GRAMD4: variants seen among roughly 807,000 people sequenced by gnomAD.
GRAMD4 encodes the protein GRAM domain-containing protein 4.
Under a neutral mutation model 83.9 loss-of-function variants are expected in GRAMD4, and 25 were observed. That is an observed-to-expected ratio of 0.30 (90% CI 0.22 to 0.42). The LOEUF (loss-of-function observed/expected upper bound fraction) is 0.42. GRAMD4 is among the 10% of genes least tolerant of loss of function. The pLI, the probability that GRAMD4 is intolerant of heterozygous loss-of-function variation, is 1.00. For missense variants in GRAMD4, 593 were observed against 788.7 expected, an observed-to-expected ratio of 0.75 and a Z score of 2.97; for synonymous variants, 336 against 320.9, an observed-to-expected ratio of 1.05 and a Z score of -0.50.
intron 1 of GRAMD4, among the ~76,000 whole-genome samples, chr22:46,597,528 C>A (rs919706410): frequency 6.6e-6 from 1 of 152,148 alleles, no homozygotes; most frequent in Non-Finnish European, 1.5e-5. Context: ...CTCGCTCTGT[C>A]GCCCAGGCTG....
At position 46,645,944 on chromosome 22, in the gene GRAMD4, C is replaced by T. The variant is rs975295086; in HGVS notation, c.283+7984C>T. 2.0e-5 allele frequency among the ~76,000 whole-genome samples: 3 copies of T among 152,200 alleles called. No homozygotes were observed. In the South Asian group the frequency reaches 6.2e-4, roughly 32 times the overall value. On this transcript the variant is annotated intron_variant, in intron 3 of 18. Coordinates refer to ENST00000406902, the MANE Select transcript of GRAMD4 (RefSeq NM_015124.5). ...TGAGATTCCCCAGGGTTGTAAGGTG[C>T]ACACACAGCCTCTACCCAAGAGCAC... is the stretch of plus-strand genomic sequence containing the variant.
At position 46,678,747 on chromosome 22, in the gene GRAMD4, T is replaced by G; in HGVS notation, c.*1496T>G. ...CTTTGCTCCGATCCTCATTTGCTGG[T>G]GTGGGTGAGGGATCCGGCGGCATGG... On this transcript the variant is annotated 3_prime_UTR_variant, in exon 19 of 19. Transcript: ENST00000406902. 6.1e-6 allele frequency: 6 copies of G among 985,832 alleles called. No homozygotes were observed. The highest frequency in any genetic ancestry group is 7.2e-6 in the Non-Finnish European group (6 of 829,894). 61.1% of individuals were successfully genotyped at this position (985,832 alleles called of 1,614,324 possible).
downstream of GRAMD4, among the ~76,000 whole-genome samples, chr22:46,681,785 C>T (rs928883605): frequency 1.3e-5 from 2 of 152,178 alleles, no homozygotes; most frequent in Non-Finnish European, 2.9e-5. Context: ...ATGAATGTAA[C>T]GGATGAATGA....
chr22:46,664,232 G>C, intron 8 of GRAMD4, 115 bp downstream of exon 8: 2 of 757,502 alleles, frequency 2.6e-6, no homozygotes, highest in South Asian at 2.9e-5. Context: ...CACTTCCTCA[G>C]GCCCCAGGGA....
chr22:46,632,505 T>C (rs761289937), intron 2 of GRAMD4, among the ~76,000 whole-genome samples: 6 of 152,230 alleles, frequency 3.9e-5, no homozygotes, highest in Non-Finnish European at 8.8e-5. Flanking sequence ...CTTGGTGTCC[T>C]GCACCCTTGG....
chr22:46,676,771 T>C lies in GRAMD4; in HGVS notation c.1632+103T>C, dbSNP rs529265213. The C allele has an allele frequency of 5.0e-3, 5,480 of 1,099,978 alleles. 32 individuals are homozygous for C. Among genetic ancestry groups the C allele is most frequent in the Non-Finnish European group, 6.4e-3 (4,820 of 751,158 alleles). The allele number at this position is 1,099,978 out of a possible 1,614,324, so 68.1% of individuals were successfully genotyped here. A position where few individuals can be genotyped will look rare whatever the true frequency, so the allele number is the denominator to read the frequency against. On this transcript the variant is annotated intron_variant, in intron 18 of 18. Transcript: ENST00000406902. ...TGGGGCAGACAGCCAGAGTTTTAGT[T>C]TGGGCAGCAGGGTCACAAAGCCGCC...
intron 1 of GRAMD4, among the ~76,000 whole-genome samples, chr22:46,581,222 G>A (rs920933353): frequency 1.3e-5 from 2 of 152,224 alleles, no homozygotes; most frequent in Non-Finnish European, 2.9e-5. Context: ...ACACAGGAAA[G>A]GCAGGAAGTA....
chr22:46,629,852 C>G (rs2081739280), intron 2 of GRAMD4, among the ~76,000 whole-genome samples: 1 of 152,200 alleles, frequency 6.6e-6, no homozygotes, highest in African/African-American at 2.4e-5. Context: ...AGCCTGCTTT[C>G]TGTCGATGGA....
At chr22:46,578,306 G>A (rs9616058) in intron 1 of GRAMD4, among the ~76,000 whole-genome samples, 32,900 of 152,074 alleles carry the variant, frequency 0.22, 3,757 homozygotes, top group Middle Eastern at 0.33. Context: ...CTGGGAGGGA[G>A]GTCAGGGTCA....
In GRAMD4 at chr22:46,664,189, A is replaced by G. The variant is rs552090344; in HGVS notation, c.717+72A>G. 2.7e-6 allele frequency: 3 copies of G among 1,100,014 alleles called. No homozygotes were observed. In the African/African-American group the frequency reaches 4.6e-5, roughly 17 times the overall value. 68.1% of individuals were successfully genotyped at this position (1,100,014 alleles called of 1,614,324 possible). ...GCCAGCATTCACCACATGATCAGGC[A>G]CCTTCCCAGGGTGGGAGGTGGCCCC... On this transcript the variant is annotated intron_variant, in intron 8 of 18. Transcript: ENST00000406902.
At chr22:46,637,402 G>A (rs187512116) in intron 2 of GRAMD4, among the ~76,000 whole-genome samples, 7 of 152,178 alleles carry the variant, frequency 4.6e-5, no homozygotes, top group Non-Finnish European at 1.0e-4. Context: ...ACAGGTGCCC[G>A]CCACTGCGCC....
At chr22:46,650,609 C>A (rs374467731) in intron 3 of GRAMD4, among the ~76,000 whole-genome samples, 6 of 152,232 alleles carry the variant, frequency 3.9e-5, no homozygotes, top group Admixed American at 3.9e-4. Flanking sequence ...CCCTTCTCCT[C>A]GCAGATGCTG....
intron 3 of GRAMD4, among the ~76,000 whole-genome samples, chr22:46,651,070 C>T (rs188703003): frequency 1.3e-5 from 2 of 152,326 alleles, no homozygotes; most frequent in Admixed American, 6.5e-5. Flanking sequence ...GTGCCACGTA[C>T]CCGGGCCATC....
chr22:46,666,212 C>T (rs1384455520), intron 9 of GRAMD4, among the ~76,000 whole-genome samples: 4 of 152,220 alleles, frequency 2.6e-5, no homozygotes, highest in East Asian at 1.9e-4. Flanking sequence ...TGAGCACCCC[C>T]TCCCTGTGGA....
chr22:46,622,288 G>A lies in GRAMD4; in HGVS notation c.-50+1723G>A, dbSNP rs1382763251. The stretch of plus-strand genomic sequence containing the variant: ...TCCAAGCGTGTCCCCTGCTTTCCTT[G>A]GGTGGAGGCCAGCTCGGTGCCCTAC... On this transcript the variant is annotated intron_variant, in intron 1 of 18. Coordinates refer to ENST00000406902, the MANE Select transcript of GRAMD4 (RefSeq NM_015124.5). The surrounding 1 kb of genome is among the most constrained non-coding windows in gnomAD (Gnocchi z 4.0). Among the ~76,000 whole-genome samples the A allele has an allele frequency of 6.6e-6, 1 of 152,146 alleles. No individual in the cohort carries two copies. The highest frequency in any genetic ancestry group is 1.5e-5 in the Non-Finnish European group (1 of 68,020).
chr22:46,664,256 CCTT>C (rs1303895465), intron 8 of GRAMD4, 139 bp downstream of exon 8: 1 of 687,168 alleles, frequency 1.5e-6, no homozygotes, highest in African/African-American at 1.7e-5. Flanking sequence ...GCTCATTTCT[CCTT>C]CTGTAAAGTG....
chr22:46,582,081 GC>G (rs946601135), intron 1 of GRAMD4, among the ~76,000 whole-genome samples: 1 of 152,190 alleles, frequency 6.6e-6, no homozygotes, highest in African/African-American at 2.4e-5. Flanking sequence ...GCTGGGTGGG[GC>G]TGGGTGTGGA....
At chr22:46,647,268 T>C (rs1483030990) in intron 3 of GRAMD4, among the ~76,000 whole-genome samples, 3 of 152,202 alleles carry the variant, frequency 2.0e-5, no homozygotes. Context: ...TTATATGGAA[T>C]TTCCCTAGGA....
chr22:46,640,281 C>G (rs138468), intron 3 of GRAMD4, among the ~76,000 whole-genome samples: 150,595 of 152,296 alleles, frequency 0.99, 74,463 homozygotes, highest in East Asian at 1. Context: ...TGGTGCAGGG[C>G]AAGGATCTGT....
Sources: allele counts gnomAD v4.1 joint callset (sites outside exome capture counted in the v4.1 genomes callset), GRCh38; gene constraint gnomAD v4.1.1; non-coding constraint Gnocchi (gnomAD v3.1); transcripts MANE v1.5; gene names NCBI Gene and HGNC (gene_info 2026-07-23, HGNC 2026-07-21).